Variants in DSP observed in about 807,000 individuals in gnomAD.
The protein encoded by DSP is 250/210 kDa paraneoplastic pemphigus antigen.
Under a neutral mutation model 290.6 loss-of-function variants are expected in DSP, and 114 were observed. The ratio of observed to expected loss-of-function variants is 0.39; its 90% CI spans 0.34 to 0.46. The LOEUF (loss-of-function observed/expected upper bound fraction) is 0.46, where lower values mean the gene tolerates loss of function less well. Ranked by LOEUF, DSP falls within the 20% of genes least tolerant of loss-of-function variation. The pLI, the probability that DSP is intolerant of heterozygous loss-of-function variation, is 0.99. For missense variants in DSP, 3,230 were observed against 3,495.8 expected, an observed-to-expected ratio of 0.92 and a Z score of 1.92; for synonymous variants, 1,311 against 1,316.4, an observed-to-expected ratio of 1.00 and a Z score of 0.09.
chr6:7,570,287 A>G, intron 12 of DSP, 150 bp from the exon 13 acceptor site: 2 of 1,160,240 alleles, frequency 1.7e-6, no homozygotes, highest in Non-Finnish European at 2.5e-6. Flanking sequence ...ATCCAAATCC[A>G]TGAACTGTTT....
chr6:7,551,811 G>C (rs913235456), intron 1 of DSP, among the ~76,000 whole-genome samples: 4 of 152,164 alleles, frequency 2.6e-5, no homozygotes, highest in African/African-American at 9.7e-5. Context: ...TCTTCATTGG[G>C]CTAAGACAAG....
chr6:7,569,080 A>T, intron 11 of DSP, 106 bp from the exon 12 acceptor site: 2 of 1,497,614 alleles, frequency 1.3e-6, no homozygotes, highest in Non-Finnish European at 1.8e-6. Flanking sequence ...AAAACGTAAA[A>T]GCTTTAATAA....
In DSP at chr6:7,583,022, TACCAGGGAG is replaced by T; in HGVS notation, c.5763_5771del (p.Arg1922_Thr1924del). On this transcript the variant is annotated inframe_deletion, in exon 24 of 24. Transcript: ENST00000379802. This position sits in a 1 kb window ranked among gnomAD's most constrained non-coding sequence, Gnocchi z 4.0. ...GGTGCAGGCGTAAGCTGGAGGATTC[TACCAGGGAG>T]ACACAGTCACAGTTAGAAACAGAAC... is the stretch of plus-strand genomic sequence containing the variant. 1 of 1,614,110 alleles carries T rather than the reference TACCAGGGAG, an allele frequency of 6.2e-7. No individual in the cohort carries two copies. Among genetic ancestry groups the T allele is most frequent in the Non-Finnish European group, 8.5e-7 (1 of 1,180,014 alleles).
At position 7,565,506 on chromosome 6, in the gene DSP, C is replaced by G; in HGVS notation, c.925C>G (p.Gln309Glu). 1 of 1,613,950 alleles carries G rather than the reference C, an allele frequency of 6.2e-7. No individual in the cohort carries two copies. The highest frequency in any genetic ancestry group is 8.5e-7 in the Non-Finnish European group (1 of 1,179,898). ...SDKNTNIAQK[Q>E]EAFSIRMSQL... is the part of the protein sequence containing the mutation. ...CAAGAACACCAACATCGCTCAGAAA[C>G]AGGAGGCCTTCTCCGTAAGTTCACC... Residue 309 changes from glutamine (Q) to glutamate (E), a missense_variant, in exon 7 of 24, where the codon CAG becomes GAG. Gln to Glu is a conservative substitution (Grantham distance 29, BLOSUM62 2). This residue lies in a region of DSP where 646 missense variants were observed against 684.3 expected (regional missense o/e 0.94). Coordinates refer to ENST00000379802, the MANE Select transcript of DSP (RefSeq NM_004415.4). This position sits in a 1 kb window ranked among gnomAD's most constrained non-coding sequence, Gnocchi z 4.2.
chr6:7,543,886 A>G (rs1420840463), intron 1 of DSP, among the ~76,000 whole-genome samples: 1 of 152,220 alleles, frequency 6.6e-6, no homozygotes, highest in Non-Finnish European at 1.5e-5. Context: ...GCATCAAGGT[A>G]CATGTTTTAT....
chr6:7,561,612 G>A (rs772982983), intron 4 of DSP, among the ~76,000 whole-genome samples: 13 of 152,196 alleles, frequency 8.5e-5, no homozygotes, highest in Admixed American at 7.9e-4. Context: ...GCCTGGTCAC[G>A]TTGCTAATGT....
At chr6:7,545,603 G>T (rs1159725799) in intron 1 of DSP, among the ~76,000 whole-genome samples, 1 of 152,054 alleles carries the variant, frequency 6.6e-6, no homozygotes, top group Non-Finnish European at 1.5e-5. Flanking sequence ...AGATCAAGGT[G>T]GAAATCTATA....
rs150499620 is a variant in DSP, at chr6:7,543,666, T to G, written c.170+1581T>G. ...AGTTTAAATCCAAGTCAGAATAGAA[T>G]GCGAAGGACTCTTTAGTAGCTCTTT... On this transcript the variant is annotated intron_variant, in intron 1 of 23. Transcript: ENST00000379802. Among the ~76,000 whole-genome samples, 1,166 of 152,292 alleles carry G rather than the reference T, an allele frequency of 7.7e-3. 18 individuals carry two copies. Among genetic ancestry groups the G allele is most frequent in the African/African-American group, 0.027 (1,111 of 41,566 alleles).
In DSP at chr6:7,558,176, G is replaced by T. The variant is rs758746580; in HGVS notation, c.334G>T (p.Ala112Ser). 6.2e-7 allele frequency: 1 copy of T among 1,614,054 alleles called. No individual in the cohort carries two copies. Among genetic ancestry groups the T allele is most frequent in the Admixed American group, 1.7e-5 (1 of 59,996 alleles). Residue 112 changes from alanine to serine, a missense_variant, in exon 3 of 24, where the codon GCC becomes TCC. Around this residue, in one of 5 missense-constraint regions of DSP, gnomAD observed 646 missense variants for 684.3 expected, o/e 0.94. Coordinates refer to ENST00000379802, the MANE Select transcript of DSP (RefSeq NM_004415.4). ...GAGTCGAGAATTGGATGAGTGTTTT[G>T]CCCAGGCCAATGACCAAATGGAAAT... ...TRSRELDECFAQANDQMEILD... is the reference protein window; with the variant it reads ...TRSRELDECFSQANDQMEILD...
At position 7,579,943 on chromosome 6, in the gene DSP, T is replaced by C. The variant is rs749003139; in HGVS notation, c.3753T>C (p.Asp1251=). ...RLSRENRDLK[D]EIVRLNDSIL... ...CAAGGGAAAATCGAGATCTGAAGGA[T>C]GAAATTGTCAGGCTCAATGACAGCA... The change falls in exon 23 of 24, where the codon GAT becomes GAC. Residue 1251 remains aspartate, a synonymous_variant. Coordinates refer to ENST00000379802, the MANE Select transcript of DSP (RefSeq NM_004415.4). The surrounding 1 kb of genome is among the most constrained non-coding windows in gnomAD (Gnocchi z 4.1). The C allele has an allele frequency of 3.7e-6, 6 of 1,614,002 alleles. No individual in the cohort carries two copies. In the South Asian group the frequency reaches 5.5e-5, roughly 15 times the overall value.
intron 7 of DSP, 43 bp from the exon 8 acceptor site, chr6:7,566,334 A>T: frequency 1.3e-6 from 2 of 1,530,294 alleles, no homozygotes; most frequent in East Asian, 2.2e-5. Flanking sequence ...TGGAAGTTTA[A>T]TGATGACTTG....
chr6:7,574,528 C>A, intron 16 of DSP, 129 bp from the exon 17 acceptor site: 1 of 1,412,392 alleles, frequency 7.1e-7, no homozygotes, highest in Non-Finnish European at 9.8e-7. Context: ...CACAATAGAC[C>A]AAAAAACAGA....
At position 7,579,569 on chromosome 6, in the gene DSP, T is replaced by C. The variant is rs1581815458; in HGVS notation, c.3379T>C (p.Ser1127Pro). ...EIEDEKRRRK[S>P]VEDRFDQQKN... ...TGAAGATGAAAAGAGAAGAAGAAAA[T>C]CTGTGGAAGACAGATTTGACCAACA... Residue 1127 changes from serine to proline, a missense_variant, in exon 23 of 24, where the codon TCT (serine) becomes CCT (proline). By Grantham distance (74) the Ser-to-Pro change is moderately conservative. Coordinates refer to ENST00000379802, the MANE Select transcript of DSP (RefSeq NM_004415.4). The surrounding 1 kb of genome is among the most constrained non-coding windows in gnomAD (Gnocchi z 4.1). 1 of 1,613,430 alleles carries C rather than the reference T, an allele frequency of 6.2e-7. No homozygotes were observed. The highest frequency in any genetic ancestry group is 1.7e-5 in the Admixed American group (1 of 59,952).
chr6:7,578,236 G>A (rs887697336), intron 21 of DSP, among the ~76,000 whole-genome samples: 3 of 152,132 alleles, frequency 2.0e-5, no homozygotes, highest in African/African-American at 4.8e-5. Context: ...AGAGACTATC[G>A]TACCTGTCAG....
rs1554109176 is a variant in DSP, at chr6:7,585,411, T to C, written c.8149T>C (p.Trp2717Arg). 1 of 1,613,964 alleles carries C rather than the reference T, an allele frequency of 6.2e-7. No homozygotes were observed. The highest frequency in any genetic ancestry group is 8.5e-7 in the Non-Finnish European group (1 of 1,179,966). The change falls in exon 24 of 24, where the codon TGG (tryptophan) becomes CGG (arginine). Residue 2717 changes from tryptophan to arginine, a missense_variant. By Grantham distance (101) the Trp-to-Arg change is moderately radical (BLOSUM62 -3). This residue lies in a region of DSP where 582 missense variants were observed against 555.4 expected (regional missense o/e 1.05). Transcript: ENST00000379802. ...AGCAGCAGAGGCAGTGAAAGAAAAA[T>C]GGCTCCCGTATGAGGCTGGCCAGCG... The part of the protein sequence containing the change: ...MSAAEAVKEK[W>R]LPYEAGQRFL...
chr6:7,576,369 C>T lies in DSP; in HGVS notation c.2706C>T (p.Leu902=). ...ACTATCAGGCTTTCTGCAAGTGGCT[C>T]TATGATGCTAAACGCCGCCAGGATT... ...RDNYQAFCKW[L]YDAKRRQDSL... Residue 902 remains leucine, a synonymous_variant, in exon 19 of 24, where the codon CTC becomes CTT. Transcript: ENST00000379802. 6.2e-7 allele frequency: 1 copy of T among 1,614,120 alleles called. No individual in the cohort carries two copies. Among genetic ancestry groups the T allele is most frequent in the Non-Finnish European group, 8.5e-7 (1 of 1,180,012 alleles).
chr6:7,564,676 AT>A (rs1347450140), intron 6 of DSP, among the ~76,000 whole-genome samples: 1 of 152,224 alleles, frequency 6.6e-6, no homozygotes, highest in Non-Finnish European at 1.5e-5. Context: ...TGAAGAAAAT[AT>A]TTGTAATGTT....
rs1561693806 is a variant in DSP at position 7,575,373 on chromosome 6, C to T, written c.2515C>T (p.His839Tyr). 1.9e-6 allele frequency: 3 copies of T among 1,613,930 alleles called. No individual in the cohort carries two copies. The Admixed American group carries it at 5.0e-5, about 27-fold the overall frequency. ...AGAACTACAGAAAGCCCAGCAGATC[C>T]ACTCTCAGACTTCACAGCAGTATCC... ...KTELQKAQQI[H>Y]SQTSQQYPLY... Residue 839 changes from histidine to tyrosine, a missense_variant, in exon 18 of 24, where the codon CAC becomes TAC. Transcript: ENST00000379802.
intron 5 of DSP, among the ~76,000 whole-genome samples, chr6:7,563,503 C>T (rs1758765077): frequency 6.6e-6 from 1 of 152,022 alleles, no homozygotes; most frequent in African/African-American, 2.4e-5. Context: ...TTTAAGTGAC[C>T]CTGATCTGGG....
Sources: allele counts gnomAD v4.1 joint callset (sites outside exome capture counted in the v4.1 genomes callset), GRCh38; gene constraint gnomAD v4.1.1; regional missense constraint gnomAD v4.1.1; non-coding constraint Gnocchi (gnomAD v3.1); transcripts MANE v1.5; gene names NCBI Gene and HGNC (gene_info 2026-07-23, HGNC 2026-07-21).